ANKRD28: variants seen among roughly 807,000 people sequenced by gnomAD.
The protein encoded by ANKRD28 is ankyrin repeat domain 28.
Under a neutral mutation model 126.5 loss-of-function variants are expected in ANKRD28, and 44 were observed. The ratio of observed to expected loss-of-function variants is 0.35; its 90% CI spans 0.27 to 0.45. The LOEUF is 0.45. ANKRD28 is among the 20% of genes least tolerant of loss of function. The probability of loss-of-function intolerance (pLI) is 1.00; values close to 1 mark genes in which losing one functional copy is unlikely to be tolerated. For missense variants in ANKRD28, 1,110 were observed against 1,316.6 expected (o/e 0.84, Z 2.43); for synonymous variants, 442 against 468.5 (o/e 0.94, Z 0.73).
intron 4 of ANKRD28, among the ~76,000 whole-genome samples, chr3:15,751,496 A>T (rs1247343412): frequency 6.6e-6 from 1 of 152,178 alleles, no homozygotes; most frequent in Non-Finnish European, 1.5e-5. Flanking sequence ...TAGGACAGAA[A>T]AATGATTTCT....
intron 1 of ANKRD28, among the ~76,000 whole-genome samples, chr3:15,822,471 C>T (rs900565853): frequency 1.3e-5 from 2 of 152,190 alleles, no homozygotes; most frequent in Admixed American, 1.3e-4. Flanking sequence ...CAATAACAAT[C>T]CCCAGGGAGG....
In ANKRD28 at chr3:15,779,429, T is replaced by C. The variant is rs147872603; in HGVS notation, c.202-13117A>G. Reference sequence around the variant, plus strand: ...ATTTACTAAAGAGCTTATATGCTTATAGCTACAAGAGAAAAGAAATTACTT... The same window carrying C: ...ATTTACTAAAGAGCTTATATGCTTACAGCTACAAGAGAAAAGAAATTACTT... On this transcript the variant is annotated intron_variant, in intron 2 of 27. Coordinates refer to ENST00000683139, the MANE Select transcript of ANKRD28 (RefSeq NM_001349278.2). Among the ~76,000 whole-genome samples, 74 of 152,332 alleles carry C rather than the reference T, an allele frequency of 4.9e-4. 1 individual carries two copies. In the East Asian group the frequency reaches 0.013, roughly 28 times the overall value.
chr3:15,794,805 C>T (rs1282545748), intron 2 of ANKRD28, among the ~76,000 whole-genome samples: 1 of 152,124 alleles, frequency 6.6e-6, no homozygotes, highest in East Asian at 1.9e-4. Flanking sequence ...TATACACTTA[C>T]AAGAATCCTC....
intron 25 of ANKRD28, 39 bp from the exon 26 acceptor site, chr3:15,677,095 C>T (rs2125658890): frequency 1.3e-6 from 2 of 1,523,078 alleles, no homozygotes; most frequent in East Asian, 2.3e-5. Context: ...ACTTGAGCAC[C>T]ATTAAAGATA....
chr3:15,690,025 C>T lies in ANKRD28; in HGVS notation c.1957G>A (p.Ala653Thr). The change falls in exon 18 of 28, where the codon GCA becomes ACA. Residue 653 changes from alanine (A) to threonine (T), a missense_variant. By Grantham distance (58) the Ala-to-Thr change is moderately conservative. Coordinates refer to ENST00000683139, the MANE Select transcript of ANKRD28 (RefSeq NM_001349278.2). ...DYILKRTPIH[A>T]AATNGHSECL... ...AGCATAATATCTGGCATACCTGCTG[C>T]ATGAATAGGTGTCCTCTTCAAAATG... 1 of 1,605,544 alleles carries T rather than the reference C, an allele frequency of 6.2e-7. No homozygotes were observed. The highest frequency in any genetic ancestry group is 8.5e-7 in the Non-Finnish European group (1 of 1,175,142).
rs189464022 is a variant in ANKRD28, at chr3:15,856,700, A to G, written c.27+2677T>C. On this transcript the variant is annotated intron_variant, in intron 1 of 27. Transcript: ENST00000399451. The stretch of plus-strand genomic sequence containing the variant: ...TGGTGGCACAAAATGAGAGAAAATT[A>G]TCTTATTCAAATTGACTGGCTATGA... Among the ~76,000 whole-genome samples, 6 of 152,350 alleles carry G rather than the reference A, an allele frequency of 3.9e-5. No individual in the cohort carries two copies. In the East Asian group the frequency reaches 5.8e-4, roughly 15 times the overall value.
intron 6 of ANKRD28, 109 bp downstream of exon 6, chr3:15,735,301 G>T: frequency 1.1e-6 from 1 of 892,930 alleles, no homozygotes; most frequent in Non-Finnish European, 1.6e-6. Context: ...CAGATACTGT[G>T]TAGCTTTTCA....
At chr3:15,703,166 T>C (rs1030254199) in intron 14 of ANKRD28, among the ~76,000 whole-genome samples, 5 of 152,180 alleles carry the variant, frequency 3.3e-5, no homozygotes, top group South Asian at 4.1e-4. Context: ...AATTTAAAGA[T>C]TGATTTTGGT....
intron 6 of ANKRD28, chr3:15,731,846 C>T (rs2074626276): frequency 4.4e-5 from 1 of 22,716 alleles, no homozygotes; most frequent in African/African-American, 2.5e-4. Flanking sequence ...GTGAAACTGT[C>T]TCAAAAAAAA....
Position 15,763,416 on chromosome 3 carries a change from A to C in ANKRD28, c.280+2818T>G, listed in dbSNP as rs1321744401. The stretch of plus-strand genomic sequence containing the variant: ...TATAATCACCATCCCAGGCACTTTA[A>C]ATAAATATGCTAGGAAGGCAAAGTA... On this transcript the variant is annotated intron_variant, in intron 3 of 27. Transcript: ENST00000683139. 2.0e-5 allele frequency among the ~76,000 whole-genome samples: 3 copies of C among 152,372 alleles called. No individual in the cohort carries two copies. In the East Asian group the frequency reaches 5.8e-4, roughly 29 times the overall value.
At chr3:15,747,211 T>C (rs969322701) in intron 4 of ANKRD28, among the ~76,000 whole-genome samples, 1 of 151,950 alleles carries the variant, frequency 6.6e-6, no homozygotes, top group Non-Finnish European at 1.5e-5. Context: ...TGCTCTGATC[T>C]TCATTATTTC....
In ANKRD28 at chr3:15,713,696, G is replaced by A. The variant is rs78839093; in HGVS notation, c.1076-55C>T. 4.5e-3 allele frequency: 5,170 copies of A among 1,138,502 alleles called. 29 individuals carry two copies. Among genetic ancestry groups the A allele is most frequent in the East Asian group, 0.015 (576 of 37,458 alleles). 70.5% of individuals were successfully genotyped at this position (1,138,502 alleles called of 1,614,324 possible). ...GGACCATATAAAGATCAGGTCAAAC[G>A]TACTACATGAAAAGTAATAAAAAAT... is the stretch of plus-strand genomic sequence containing the variant. On this transcript the variant is annotated intron_variant, in intron 9 of 27. Transcript: ENST00000683139.
intron 2 of ANKRD28, among the ~76,000 whole-genome samples, chr3:15,776,405 G>T (rs1365794180): frequency 4.6e-5 from 7 of 152,218 alleles, no homozygotes; most frequent in Non-Finnish European, 5.9e-5. Flanking sequence ...GATAAACTGT[G>T]TTGGATGCAT....
intron 8 of ANKRD28, among the ~76,000 whole-genome samples, chr3:15,718,738 TA>T (rs1381975984): frequency 3.9e-5 from 6 of 152,234 alleles, no homozygotes; most frequent in African/African-American, 1.4e-4. Flanking sequence ...TCCATAATAC[TA>T]ACACACAAAG....
intron 2 of ANKRD28, among the ~76,000 whole-genome samples, chr3:15,778,601 C>T (rs1182839001): frequency 6.6e-6 from 1 of 152,176 alleles, no homozygotes; most frequent in Admixed American, 6.5e-5. Flanking sequence ...ATATCCTTCA[C>T]ATCAAATCCC....
At chr3:15,741,198 CA>C (rs199725226) in intron 4 of ANKRD28, among the ~76,000 whole-genome samples, 5 of 139,896 alleles carry the variant, frequency 3.6e-5, no homozygotes, top group Admixed American at 7.0e-5. Flanking sequence ...GACTCCATCT[CA>C]AAAAAAAAAA....
In ANKRD28 at chr3:15,686,047, A is replaced by G. The variant is rs766855653; in HGVS notation, c.2124T>C (p.Asn708=). ...TTCCCCACTTATCTTTGGCATCTACATTTGCTCCTTTGTTCAGCAATGAGT... is the reference window on the plus strand; with the variant it reads ...TTCCCCACTTATCTTTGGCATCTACGTTTGCTCCTTTGTTCAGCAATGAGT... The part of the protein sequence containing the change: ...CVYSLLNKGA[N]VDAKDKWGRT... The change falls in exon 20 of 28, where the codon AAT becomes AAC. Residue 708 remains asparagine (N), a synonymous_variant. Coordinates refer to ENST00000683139, the MANE Select transcript of ANKRD28 (RefSeq NM_001349278.2). The G allele has an allele frequency of 6.2e-7, 1 of 1,613,782 alleles. No individual in the cohort carries two copies. Among genetic ancestry groups the G allele is most frequent in the East Asian group, 2.2e-5 (1 of 44,860 alleles).
chr3:15,710,442 C>A (rs183524133), intron 12 of ANKRD28, among the ~76,000 whole-genome samples: 1 of 152,228 alleles, frequency 6.6e-6, no homozygotes, highest in East Asian at 1.9e-4. Flanking sequence ...GGTTCTCTGG[C>A]GACCTTGGAA....
At chr3:15,806,376 CTG>C (rs1363704333) in intron 1 of ANKRD28, among the ~76,000 whole-genome samples, 1 of 152,128 alleles carries the variant, frequency 6.6e-6, no homozygotes, top group Non-Finnish European at 1.5e-5. Flanking sequence ...TTTTGTGTGT[CTG>C]TGTTTTACAT....
Sources: allele counts gnomAD v4.1 joint callset (sites outside exome capture counted in the v4.1 genomes callset), GRCh38; gene constraint gnomAD v4.1.1; transcripts MANE v1.5; gene names NCBI Gene and HGNC (gene_info 2026-07-23, HGNC 2026-07-21).